Variants in PRKCH observed in about 807,000 individuals in gnomAD.
The protein encoded by PRKCH is protein kinase C eta type.
PRKCH carries 28 observed loss-of-function variants against 82.5 expected under a neutral mutation model. That is an observed-to-expected ratio of 0.34 (90% CI 0.25 to 0.47). The LOEUF (loss-of-function observed/expected upper bound fraction) is 0.47, where lower values mean the gene tolerates loss of function less well. PRKCH is among the 20% of genes least tolerant of loss of function. The probability of loss-of-function intolerance (pLI) is 1.00; values close to 1 mark genes in which losing one functional copy is unlikely to be tolerated. For synonymous variants in PRKCH, 322 were observed against 327.4 expected, an observed-to-expected ratio of 0.98 and a Z score of 0.18; for missense variants, 705 against 881.8, an observed-to-expected ratio of 0.80 and a Z score of 2.54.
chr14:61,357,232 G>T (rs74533070), intron 1 of PRKCH, among the ~76,000 whole-genome samples: 2 of 152,308 alleles, frequency 1.3e-5, no homozygotes, highest in East Asian at 3.9e-4. Context: ...TTTCTCCCAT[G>T]CTATTTAACG....
intron 1 of PRKCH, among the ~76,000 whole-genome samples, chr14:61,230,927 G>T (rs1213063819): frequency 1.3e-5 from 2 of 152,222 alleles, no homozygotes; most frequent in South Asian, 4.1e-4. Context: ...CTACCCCAGG[G>T]TGTCCTCTAT....
intron 1 of PRKCH, among the ~76,000 whole-genome samples, chr14:61,247,290 G>A (rs559175772): frequency 7.9e-4 from 120 of 151,576 alleles, no homozygotes; most frequent in Non-Finnish European, 1.5e-3. Context: ...AAACTCTGTA[G>A]GAACACAACG....
rs111773492 is a variant in PRKCH at position 61,264,112 on chromosome 14, T to G, written c.-19+76444T>G. Among the ~76,000 whole-genome samples the G allele has an allele frequency of 2.6e-3, 392 of 152,238 alleles. 1 individual carries two copies. Among genetic ancestry groups the G allele is most frequent in the African/African-American group, 8.2e-3 (340 of 41,544 alleles). ...CAAGCAGAATCTCATTAAAAATCAA[T>G]TCCTCGGGTCCATAAAGCCAGTTTA... On this transcript the variant is annotated intron_variant, in intron 1 of 3. Transcript: ENST00000555185.
rs182144166 is a variant in PRKCH at position 61,490,281 on chromosome 14, T to C, written c.1433+4625T>C. 6.6e-5 allele frequency among the ~76,000 whole-genome samples: 10 copies of C among 152,310 alleles called. 1 individual carries two copies. The East Asian group carries it at 1.9e-3, about 29-fold the overall frequency. ...TTTACTCCCATGATTACGTGGCACA[T>C]GAACTTTTCAACTTTGAGCTGCTGA... On this transcript the variant is annotated intron_variant, in intron 10 of 13. Coordinates refer to ENST00000332981, the MANE Select transcript of PRKCH (RefSeq NM_006255.5).
intron 1 of PRKCH, among the ~76,000 whole-genome samples, chr14:61,194,487 A>G (rs2044428320): frequency 6.6e-6 from 1 of 152,238 alleles, no homozygotes; most frequent in African/African-American, 2.4e-5. Flanking sequence ...GCAAGAAGGT[A>G]TCATCTATAA....
chr14:61,197,446 T>A (rs1331781801), intron 1 of PRKCH, among the ~76,000 whole-genome samples: 1 of 152,194 alleles, frequency 6.6e-6, no homozygotes, highest in Non-Finnish European at 1.5e-5. Flanking sequence ...GAGCCATGTC[T>A]GGTGAGGGCC....
At chr14:61,444,948 A>G (rs919153605) in intron 3 of PRKCH, among the ~76,000 whole-genome samples, 1 of 152,220 alleles carries the variant, frequency 6.6e-6, no homozygotes, top group African/African-American at 2.4e-5. Flanking sequence ...GCATCAGGTC[A>G]TCTGGCTTCA....
intron 12 of PRKCH, chr14:61,545,014 C>A (rs1303726384): frequency 6.6e-6 from 1 of 152,304 alleles, no homozygotes; most frequent in African/African-American, 2.4e-5. Context: ...CCACCAGGCG[C>A]TACCTCTGCA....
In PRKCH at chr14:61,450,931, A is replaced by G. The variant is rs1433367310; in HGVS notation, c.792A>G (p.Ser264=). ...KVPTFCDHCG[S]LLWGIMRQGL... is the part of the protein sequence containing the mutation. ...CAACATTCTGCGATCACTGTGGCTC[A>G]CTGCTCTGGGGAATAATGCGACAAG... Residue 264 remains serine (S), a synonymous_variant, in exon 6 of 14, where the codon TCA becomes TCG. Transcript: ENST00000332981. 1.4e-5 allele frequency: 23 copies of G among 1,614,044 alleles called. No homozygotes were observed. The highest frequency in any genetic ancestry group is 4.0e-5 in the African/African-American group (3 of 74,942).
intron 9 of PRKCH, among the ~76,000 whole-genome samples, chr14:61,475,484 G>A (rs542471095): frequency 3.3e-5 from 5 of 152,280 alleles, no homozygotes; most frequent in African/African-American, 1.2e-4. Context: ...TTAAAACACC[G>A]TGCCCAGTTA....
chr14:61,523,174 C>T (rs1190615501), intron 10 of PRKCH, among the ~76,000 whole-genome samples: 1 of 152,200 alleles, frequency 6.6e-6, no homozygotes, highest in Admixed American at 6.5e-5. Context: ...CATTTGACCA[C>T]TTGAGAGATT....
chr14:61,386,356 C>T (rs749225026), intron 1 of PRKCH, among the ~76,000 whole-genome samples: 5 of 152,186 alleles, frequency 3.3e-5, no homozygotes, highest in Non-Finnish European at 1.5e-5. Flanking sequence ...ATTTTTGAAA[C>T]ATGTCACTGG....
intron 9 of PRKCH, among the ~76,000 whole-genome samples, chr14:61,460,403 G>A (rs1884976498): frequency 1.3e-5 from 2 of 152,146 alleles, no homozygotes; most frequent in African/African-American, 4.8e-5. Context: ...ATTATTAGTA[G>A]TAGTATTGCT....
chr14:61,268,495 G>C (rs577908668), intron 1 of PRKCH, among the ~76,000 whole-genome samples: 1 of 151,916 alleles, frequency 6.6e-6, no homozygotes. Context: ...GTAAAACCCC[G>C]GCTCTACTAA....
intron 1 of PRKCH, chr14:61,281,663 G>T (rs535692060): frequency 6.0e-6 from 1 of 167,294 alleles, no homozygotes; most frequent in East Asian, 1.9e-4. Flanking sequence ...TTTTGCTGAG[G>T]GCTTGCACCG....
intron 2 of PRKCH, among the ~76,000 whole-genome samples, chr14:61,418,295 G>GT (rs1204045302): frequency 6.6e-6 from 1 of 152,244 alleles, no homozygotes; most frequent in Non-Finnish European, 1.5e-5. Context: ...GCTCTAGCCT[G>GT]TGTCCTGGTG....
chr14:61,328,119 G>A (rs559528341), intron 1 of PRKCH, among the ~76,000 whole-genome samples: 6,255 of 151,484 alleles, frequency 0.041, 168 homozygotes, highest in Middle Eastern at 0.072. Flanking sequence ...GCGCGGTGGC[G>A]GGCGCCTGTA....
intron 2 of PRKCH, among the ~76,000 whole-genome samples, chr14:61,426,118 A>C (rs924421542): frequency 6.6e-6 from 1 of 152,218 alleles, no homozygotes; most frequent in Non-Finnish European, 1.5e-5. Context: ...GAACAGACTA[A>C]TACAATAACC....
intron 2 of PRKCH, among the ~76,000 whole-genome samples, chr14:61,432,498 T>C (rs919635784): frequency 9.2e-5 from 14 of 152,176 alleles, no homozygotes; most frequent in African/African-American, 3.4e-4. Flanking sequence ...AAAGCTAGTT[T>C]CTTACTTTAT....
Sources: allele counts gnomAD v4.1 joint callset (sites outside exome capture counted in the v4.1 genomes callset), GRCh38; gene constraint gnomAD v4.1.1; transcripts MANE v1.5; gene names NCBI Gene and HGNC (gene_info 2026-07-23, HGNC 2026-07-21).